Variants in KCNC2 observed in about 807,000 individuals in gnomAD.
The protein encoded by KCNC2 is potassium voltage-gated channel subfamily C member 2, also known as voltage-gated potassium channel KCNC2.
KCNC2 carries 21 observed loss-of-function variants against 44.5 expected under a neutral mutation model. The ratio of observed to expected loss-of-function variants is 0.47; its 90% CI spans 0.33 to 0.68. The LOEUF is 0.68. Ranked by LOEUF, KCNC2 falls within the 30% of genes least tolerant of loss-of-function variation. The pLI, the probability that KCNC2 is intolerant of heterozygous loss-of-function variation, is 0.01. For synonymous variants in KCNC2, 391 were observed against 339.1 expected (o/e 1.15, Z -1.68); for missense variants, 589 against 826.2 (o/e 0.71, Z 3.52).
rs1387597488 is a variant in KCNC2 at position 75,207,853 on chromosome 12, C to T, written c.131G>A (p.Gly44Asp). 6.2e-7 allele frequency: 1 copy of T among 1,611,642 alleles called. No homozygotes were observed. Among genetic ancestry groups the T allele is most frequent in the African/African-American group, 1.3e-5 (1 of 74,762 alleles). The change falls in exon 2 of 5, where the codon GGC becomes GAC. Residue 44 changes from glycine to aspartate, a missense_variant. Coordinates refer to ENST00000549446, the MANE Select transcript of KCNC2 (RefSeq NM_139137.4). This position sits in a 1 kb window ranked among gnomAD's most constrained non-coding sequence, Gnocchi z 4.1. ...LALLASSEPP[G>D]DCLTTAGDKL... ...GTCGCCCGCCGTGGTCAAGCAGTCG[C>T]CTGGGGGCTCGGAGGAGGCAAGAAG... is the stretch of plus-strand genomic sequence containing the variant.
intron 2 of KCNC2, among the ~76,000 whole-genome samples, chr12:75,069,529 A>G (rs1279245750): frequency 6.6e-6 from 1 of 152,134 alleles, no homozygotes. Flanking sequence ...AGATTTCACC[A>G]TACGATATGG....
chr12:75,154,952 C>A (rs571869782), intron 2 of KCNC2, among the ~76,000 whole-genome samples: 1 of 151,786 alleles, frequency 6.6e-6, no homozygotes, highest in South Asian at 2.1e-4. Context: ...CTTTATTGAG[C>A]CTATAGAAAA....
rs144731017 is a variant in KCNC2 at position 75,125,765 on chromosome 12, C to T, written c.688-74448G>A. On this transcript the variant is annotated intron_variant, in intron 2 of 4. Coordinates refer to ENST00000549446, the MANE Select transcript of KCNC2 (RefSeq NM_139137.4). The stretch of plus-strand genomic sequence containing the variant: ...GTGCCAAACTCACCTTTTGGATTCC[C>T]TTTTCTTTTTCATGTGTACCATTAT... Among the ~76,000 whole-genome samples, 122 of 152,246 alleles carry T rather than the reference C, an allele frequency of 8.0e-4. 1 individual carries two copies. The highest frequency in any genetic ancestry group is 2.8e-3 in the African/African-American group (117 of 41,540).
At chr12:75,199,464 A>G (rs1333287770) in intron 2 of KCNC2, among the ~76,000 whole-genome samples, 1 of 151,786 alleles carries the variant, frequency 6.6e-6, no homozygotes. Flanking sequence ...TACCCATAAC[A>G]TTTTGCCCCA....
At chr12:75,150,522 G>A (rs1290447594) in intron 2 of KCNC2, among the ~76,000 whole-genome samples, 7 of 151,660 alleles carry the variant, frequency 4.6e-5, no homozygotes, top group Admixed American at 4.6e-4. Flanking sequence ...AGGGTTCCTT[G>A]ACTCCCACAG....
chr12:75,169,438 A>C (rs181807093), intron 2 of KCNC2, among the ~76,000 whole-genome samples: 1 of 151,720 alleles, frequency 6.6e-6, no homozygotes, highest in Admixed American at 6.6e-5. Flanking sequence ...TAAGTGTGCA[A>C]AATGATAATT....
intron 2 of KCNC2, among the ~76,000 whole-genome samples, chr12:75,204,377 G>A (rs1269370448): frequency 1.3e-5 from 2 of 151,930 alleles, no homozygotes; most frequent in African/African-American, 4.8e-5. Context: ...CCGTTGTTTT[G>A]TCTGCCATTT....
At chr12:75,205,843 T>G (rs957108803) in intron 2 of KCNC2, among the ~76,000 whole-genome samples, 3 of 150,042 alleles carry the variant, frequency 2.0e-5, no homozygotes, top group African/African-American at 7.3e-5. Flanking sequence ...GTTTGGGTTT[T>G]TTTTTTTTTT....
intron 2 of KCNC2, among the ~76,000 whole-genome samples, chr12:75,115,543 T>C (rs1887598201): frequency 6.6e-6 from 1 of 152,210 alleles, no homozygotes. Flanking sequence ...GTTACCAAGT[T>C]TGGGAGCCAG....
At position 75,109,342 on chromosome 12, in the gene KCNC2, G is replaced by T. The variant is rs1887038877; in HGVS notation, c.688-58025C>A. ...ACCAAAGAAGAAACACGGGATGTTT[G>T]CTCACCTCTGCGCTTGATGGCAGTC... On this transcript the variant is annotated intron_variant, in intron 2 of 4. Transcript: ENST00000549446. Among the ~76,000 whole-genome samples, 5 of 152,234 alleles carry T rather than the reference G, an allele frequency of 3.3e-5. No individual in the cohort carries two copies. In the South Asian group the frequency reaches 1.0e-3, roughly 32 times the overall value.
chr12:75,199,984 T>C (rs1246421099), intron 2 of KCNC2, among the ~76,000 whole-genome samples: 1 of 151,804 alleles, frequency 6.6e-6, no homozygotes, highest in African/African-American at 2.4e-5. Context: ...AGGCTATTTT[T>C]AAGGCTTTTT....
intron 2 of KCNC2, among the ~76,000 whole-genome samples, chr12:75,174,335 G>C (rs1892037199): frequency 6.6e-6 from 1 of 151,860 alleles, no homozygotes; most frequent in South Asian, 2.1e-4. Context: ...TGGCTAAAAT[G>C]TCATAAAATG....
chr12:75,101,377 G>T (rs1343328070), intron 2 of KCNC2, among the ~76,000 whole-genome samples: 1 of 151,984 alleles, frequency 6.6e-6, no homozygotes, highest in African/African-American at 2.4e-5. Context: ...ACTATTCTGG[G>T]AATACCTAAA....
chr12:75,104,703 T>C (rs1886640221), intron 2 of KCNC2, among the ~76,000 whole-genome samples: 1 of 152,114 alleles, frequency 6.6e-6, no homozygotes, highest in African/African-American at 2.4e-5. Context: ...TATCAATTTA[T>C]TTACCTTTCC....
intron 2 of KCNC2, among the ~76,000 whole-genome samples, chr12:75,162,359 T>C (rs897180475): frequency 1.3e-5 from 2 of 151,788 alleles, no homozygotes; most frequent in Non-Finnish European, 2.9e-5. Context: ...ATGGGCAGGG[T>C]TGTTGCTTTC....
chr12:75,075,446 AATATATATATACAT>A (rs1417530932), intron 2 of KCNC2, among the ~76,000 whole-genome samples: 14 of 67,810 alleles, frequency 2.1e-4, no homozygotes, highest in Non-Finnish European at 4.1e-4. Context: ...TCAGGAGAGA[AATATATATATACAT>A]ATATATATAT....
At chr12:75,075,458 C>CATATATATATAT (rs5799200) in intron 2 of KCNC2, among the ~76,000 whole-genome samples, 2,652 of 145,170 alleles carry the variant, frequency 0.018, 42 homozygotes, top group Non-Finnish European at 0.023. Context: ...TATATATATA[C>CATATATATATAT]ATATATATAT....
intron 2 of KCNC2, among the ~76,000 whole-genome samples, chr12:75,141,450 T>G (rs753173780): frequency 9.2e-5 from 14 of 152,180 alleles, no homozygotes; most frequent in Admixed American, 5.9e-4. Context: ...TAGTAATTAT[T>G]TGACACTTTG....
intron 2 of KCNC2, among the ~76,000 whole-genome samples, chr12:75,165,540 A>C (rs1891392333): frequency 6.6e-6 from 1 of 151,478 alleles, no homozygotes; most frequent in South Asian, 2.1e-4. Flanking sequence ...CTTATTTAAT[A>C]AGTTATTTTT....
Sources: gnomAD v4.1 joint callset for allele counts (sites outside exome capture counted in the v4.1 genomes callset) on GRCh38, gnomAD v4.1.1 for gene constraint, Gnocchi (gnomAD v3.1) non-coding constraint, MANE v1.5 for transcripts, NCBI Gene and HGNC (gene_info 2026-07-23, HGNC 2026-07-21) for gene names.